BMP6: variants seen among roughly 807,000 people sequenced by gnomAD.
BMP6 encodes bone morphogenetic protein 6.
Under a neutral mutation model 54.1 loss-of-function variants are expected in BMP6, and 17 were observed. The ratio of observed to expected loss-of-function variants is 0.31; its 90% CI spans 0.22 to 0.47. The LOEUF is 0.47. Among genes scored for constraint, BMP6 ranks in the 20% least tolerant of loss-of-function variants. The pLI, the probability that BMP6 is intolerant of heterozygous loss-of-function variation, is 1.00. For missense variants in BMP6, 720 were observed against 690.4 expected (o/e 1.04, Z -0.48); for synonymous variants, 328 against 291.2 (o/e 1.13, Z -1.28).
intron 1 of BMP6, among the ~76,000 whole-genome samples, chr6:7,747,856 G>A (rs983685980): frequency 6.6e-6 from 1 of 151,422 alleles, no homozygotes; most frequent in Admixed American, 6.6e-5. Flanking sequence ...ATGTTGCCCA[G>A]GCTGGTCATG....
At chr6:7,818,440 A>G (rs1758561679) in intron 1 of BMP6, among the ~76,000 whole-genome samples, 1 of 152,238 alleles carries the variant, frequency 6.6e-6, no homozygotes, top group African/African-American at 2.4e-5. Flanking sequence ...TCTGATTTGA[A>G]AAGTGTTTTT....
rs145746753 is a variant in BMP6 at position 7,830,034 on chromosome 6, C to T, written c.665-15106C>T. On this transcript the variant is annotated intron_variant, in intron 1 of 6. Transcript: ENST00000283147. ...TTTTGATCTCACATCTTCAGCCTGA[C>T]GGTCCTGTGTTCTCTTCATATCAGA... 3.9e-3 allele frequency among the ~76,000 whole-genome samples: 593 copies of T among 152,266 alleles called. 7 individuals carry two copies. The highest frequency in any genetic ancestry group is 0.014 in the African/African-American group (562 of 41,534).
At chr6:7,801,089 A>G (rs1460608220) in intron 1 of BMP6, among the ~76,000 whole-genome samples, 3 of 152,226 alleles carry the variant, frequency 2.0e-5, no homozygotes, top group Non-Finnish European at 4.4e-5. Context: ...GTAGTAACGA[A>G]GGCAAAAATG....
chr6:7,742,409 T>C (rs890403099), intron 1 of BMP6, among the ~76,000 whole-genome samples: 9 of 152,210 alleles, frequency 5.9e-5, no homozygotes, highest in South Asian at 2.1e-4. Context: ...AGAATACTTA[T>C]CTTGTCAGCT....
chr6:7,809,056 A>T (rs1355655335), intron 1 of BMP6, among the ~76,000 whole-genome samples: 1 of 150,236 alleles, frequency 6.7e-6, no homozygotes, highest in Non-Finnish European at 1.5e-5. Flanking sequence ...TTTTAAAAAC[A>T]TAGGGGTTTG....
chr6:7,779,341 T>A (rs560619906), intron 1 of BMP6, among the ~76,000 whole-genome samples: 19 of 150,916 alleles, frequency 1.3e-4, no homozygotes, highest in Admixed American at 3.3e-4. Flanking sequence ...TTTTTTTTTT[T>A]AAATTTCTTG....
At chr6:7,850,360 T>G (rs1248649003) in intron 2 of BMP6, among the ~76,000 whole-genome samples, 1 of 152,180 alleles carries the variant, frequency 6.6e-6, no homozygotes, top group Non-Finnish European at 1.5e-5. Flanking sequence ...AAGCTACATA[T>G]AAAATTTACC....
chr6:7,754,075 G>A (rs983476202), intron 1 of BMP6, among the ~76,000 whole-genome samples: 1 of 151,876 alleles, frequency 6.6e-6, no homozygotes, highest in African/African-American at 2.4e-5. Context: ...AATAAATGGC[G>A]GTTAGGTCAA....
chr6:7,745,621 C>T (rs538708810), intron 1 of BMP6, among the ~76,000 whole-genome samples: 1 of 152,252 alleles, frequency 6.6e-6, no homozygotes, highest in Non-Finnish European at 1.5e-5. Flanking sequence ...TTAGACATGA[C>T]AGAGTTAATT....
chr6:7,750,899 T>C (rs1202188238), intron 1 of BMP6, among the ~76,000 whole-genome samples: 3 of 152,248 alleles, frequency 2.0e-5, no homozygotes, highest in African/African-American at 7.2e-5. Flanking sequence ...CCCACCTTGC[T>C]TCTTGTCCTG....
intron 4 of BMP6, among the ~76,000 whole-genome samples, chr6:7,868,347 T>C (rs1759461322): frequency 6.6e-6 from 1 of 152,198 alleles, no homozygotes. Context: ...TAGGAGATTA[T>C]TGACACCAGA....
intron 2 of BMP6, among the ~76,000 whole-genome samples, chr6:7,854,436 G>A (rs1286616457): frequency 1.3e-5 from 2 of 152,070 alleles, no homozygotes; most frequent in African/African-American, 2.4e-5. Flanking sequence ...CACCTTGGAC[G>A]GGAATGTGGA....
At chr6:7,751,360 C>G (rs573024559) in intron 1 of BMP6, among the ~76,000 whole-genome samples, 2 of 152,130 alleles carry the variant, frequency 1.3e-5, no homozygotes, top group African/African-American at 4.8e-5. Flanking sequence ...CCAAAAATAC[C>G]CATCCCAAAT....
intron 1 of BMP6, among the ~76,000 whole-genome samples, chr6:7,835,837 T>G (rs1350038776): frequency 1.3e-5 from 2 of 150,152 alleles, no homozygotes; most frequent in Non-Finnish European, 3.0e-5. Context: ...TCTCCCCAAT[T>G]TTTTTTTTTC....
At position 7,856,595 on chromosome 6, in the gene BMP6, A is replaced by ATTTTTTTTTTTTTTTTTTTTTTTTTTTTT. The variant is rs70982115; in HGVS notation, c.858-4837_858-4836insTTTTTTTTTTTTTTTTTTTTTTTTTTTTT. On this transcript the variant is annotated intron_variant, in intron 2 of 6. Transcript: ENST00000283147. ...ATATAAATGCCAGTTTATCAAGAGCATTTTTTTTTTTTTTTTTTTGAGACG... is the reference window on the plus strand; with the variant it reads ...ATATAAATGCCAGTTTATCAAGAGCATTTTTTTTTTTTTTTTTTTTTTTTTTTTTTTTTTTTTTTTTTTTTTTTGAGACG... Among the ~76,000 whole-genome samples the ATTTTTTTTTTTTTTTTTTTTTTTTTTTTT allele has an allele frequency of 7.2e-5, 6 of 83,054 alleles. 1 individual carries two copies. The highest frequency in any genetic ancestry group is 1.6e-4 in the African/African-American group (3 of 19,162). The allele number at this position is 83,054 out of a possible 152,430, so 54.5% of individuals were successfully genotyped here.
At chr6:7,875,339 A>C (rs1223933017) in intron 4 of BMP6, among the ~76,000 whole-genome samples, 2 of 152,198 alleles carry the variant, frequency 1.3e-5, no homozygotes, top group East Asian at 3.9e-4. Context: ...TGACTCAAAT[A>C]CTTATTTCTT....
rs937207744 is a variant in BMP6, at chr6:7,880,459, A to G, written c.*116A>G. 1.5e-6 allele frequency: 2 copies of G among 1,365,566 alleles called. No homozygotes were observed. 84.6% of individuals were successfully genotyped at this position (1,365,566 alleles called of 1,614,324 possible). A position where few individuals can be genotyped will look rare whatever the true frequency, so the allele number is the denominator to read the frequency against. On this transcript the variant is annotated 3_prime_UTR_variant, in exon 7 of 7. Transcript: ENST00000283147. Reference sequence around the variant, plus strand: ...GACGATGAGACTTTGAAACTATCTCATGCCAGTGCCTTATTACCCAGGAAG... The same window carrying G: ...GACGATGAGACTTTGAAACTATCTCGTGCCAGTGCCTTATTACCCAGGAAG...
intron 1 of BMP6, among the ~76,000 whole-genome samples, chr6:7,808,914 T>TA (rs70982107): frequency 0.23 from 20,758 of 88,748 alleles, 2,402 homozygotes; most frequent in Admixed American, 0.26. Flanking sequence ...ACCCTGTCTC[T>TA]AAAAAAAAAA....
intron 1 of BMP6, among the ~76,000 whole-genome samples, chr6:7,767,508 A>G (rs62386966): frequency 0.099 from 15,055 of 152,132 alleles, 820 homozygotes; most frequent in Admixed American, 0.14. Flanking sequence ...ATTTGGATAC[A>G]GTAGGTTATG....
Sources: gnomAD v4.1 joint callset for allele counts (sites outside exome capture counted in the v4.1 genomes callset) on GRCh38, gnomAD v4.1.1 for gene constraint, MANE v1.5 for transcripts, NCBI Gene and HGNC (gene_info 2026-07-23, HGNC 2026-07-21) for gene names.